TMX2: variants seen among roughly 807,000 people sequenced by gnomAD.
The protein encoded by TMX2 is thioredoxin-related transmembrane protein 2.
TMX2 carries 20 observed loss-of-function variants against 33.4 expected under a neutral mutation model. The ratio of observed to expected loss-of-function variants is 0.60; its 90% confidence interval spans 0.42 to 0.87. TMX2 has a LOEUF of 0.87. Ranked by LOEUF, TMX2 falls within the 40% of genes least tolerant of loss-of-function variation. The pLI is 0.00. For missense variants in TMX2, 340 were observed against 370.7 expected (o/e 0.92, Z 0.68); for synonymous variants, 166 against 140.7 (o/e 1.18, Z -1.27).
chr11:57,724,664 A>C (rs1186591516), intron 1 of TMX2, among the ~76,000 whole-genome samples: 1 of 152,152 alleles, frequency 6.6e-6, no homozygotes, highest in African/African-American at 2.4e-5. Context: ...ATACAGGTTA[A>C]TAGAACTGTA....
intron 1 of TMX2, among the ~76,000 whole-genome samples, chr11:57,735,101 G>C (rs1019739584): frequency 4.6e-5 from 7 of 151,998 alleles, no homozygotes; most frequent in Admixed American, 3.9e-4. Flanking sequence ...CTGCATTCCA[G>C]CCTGGACAAC....
At chr11:57,716,072 C>T (rs1295910569) in intron 1 of TMX2, among the ~76,000 whole-genome samples, 8 of 152,154 alleles carry the variant, frequency 5.3e-5, no homozygotes, top group South Asian at 4.1e-4. Flanking sequence ...ATTGTCATCC[C>T]GGCCCGTTCT....
intron 1 of TMX2, among the ~76,000 whole-genome samples, chr11:57,736,480 T>G (rs1948758056): frequency 6.6e-6 from 1 of 152,142 alleles, no homozygotes. Flanking sequence ...GTGAGAAAAC[T>G]GTAAGACGAG....
intron 1 of TMX2, among the ~76,000 whole-genome samples, chr11:57,719,910 T>A (rs1408897001): frequency 6.6e-6 from 1 of 152,154 alleles, no homozygotes; most frequent in Non-Finnish European, 1.5e-5. Context: ...TATTTCTACT[T>A]CTTCCTTTTG....
rs777900548 is a variant in TMX2 at position 57,740,115 on chromosome 11, A to C, written c.761A>C (p.Glu254Ala). 37 of 1,613,826 alleles carry C rather than the reference A, an allele frequency of 2.3e-5. No individual in the cohort carries two copies. The highest frequency in any genetic ancestry group is 3.1e-5 in the Non-Finnish European group (36 of 1,179,850). Residue 254 changes from glutamate (E) to alanine (A), a missense_variant, in exon 8 of 8, where the codon GAA becomes GCA. Coordinates refer to ENST00000278422, the MANE Select transcript of TMX2 (RefSeq NM_015959.4). The part of the protein sequence containing the change: ...WTFSEENVIR[E>A]FNLNELYQRA... ...TTTGTGCAGGAGAATGTGATCCGAG[A>C]ATTTAACTTAAATGAGCTATACCAG...
intron 1 of TMX2, among the ~76,000 whole-genome samples, chr11:57,718,967 T>C (rs191829527): frequency 4.2e-4 from 64 of 151,326 alleles, no homozygotes; most frequent in Middle Eastern, 3.4e-3. Flanking sequence ...AAAGGATTTT[T>C]AAAAAGAGCT....
At chr11:57,725,829 T>C (rs1354800410) in intron 1 of TMX2, among the ~76,000 whole-genome samples, 1 of 152,140 alleles carries the variant, frequency 6.6e-6, no homozygotes, top group Non-Finnish European at 1.5e-5. Flanking sequence ...ATTGGTTGCC[T>C]TCTAAACTAT....
At chr11:57,718,274 G>A in intron 1 of TMX2, 3 of 1,547,990 alleles carry the variant, frequency 1.9e-6, no homozygotes, top group Middle Eastern at 1.7e-4. Context: ...TTAGGATGAA[G>A]TTCTCATCAT....
At position 57,712,671 on chromosome 11, in the gene TMX2, C is replaced by A; in HGVS notation, c.53C>A (p.Ser18Ter). 1.2e-6 allele frequency: 2 copies of A among 1,614,208 alleles called. No individual in the cohort carries two copies. Among genetic ancestry groups the A allele is most frequent in the Non-Finnish European group, 1.7e-6 (2 of 1,180,034 alleles). ...CTCGTGTATTCGGTGCCGCGACTTT[C>A]ACGATGGCTCGCCCAACCTTACTAC... Reference protein sequence around the residue: ...IALVYSVPRLSRWLAQPYYLL... With the variant: ...IALVYSVPRL The change falls in exon 1 of 8, where the codon TCA becomes TAA. Residue 18 changes from serine to a stop codon, truncating the protein, a stop_gained. Transcript: ENST00000278422. LOFTEE classifies it high-confidence loss of function.
At chr11:57,735,028 G>C (rs539705115) in intron 1 of TMX2, among the ~76,000 whole-genome samples, 2 of 151,616 alleles carry the variant, frequency 1.3e-5, no homozygotes, top group African/African-American at 4.8e-5. Context: ...TACTCGGGAG[G>C]CTGAGGCAGG....
intron 1 of TMX2, among the ~76,000 whole-genome samples, chr11:57,736,186 G>A (rs1948741590): frequency 6.6e-6 from 1 of 152,104 alleles, no homozygotes; most frequent in Non-Finnish European, 1.5e-5. Context: ...ACTTCTCAGT[G>A]TCTTTGTCAT....
At chr11:57,718,516 C>G (rs996886416) in intron 1 of TMX2, 3 of 774,160 alleles carry the variant, frequency 3.9e-6, no homozygotes, top group Non-Finnish European at 6.8e-6. Flanking sequence ...TGTCAAAGAA[C>G]ACGGGGTTGA....
chr11:57,715,379 C>G (rs1429637413), intron 1 of TMX2, among the ~76,000 whole-genome samples: 1 of 151,602 alleles, frequency 6.6e-6, no homozygotes, highest in African/African-American at 2.4e-5. Context: ...CCAGCCTGGG[C>G]AACAAGAGCA....
intron 1 of TMX2, among the ~76,000 whole-genome samples, chr11:57,736,553 T>C (rs1948762579): frequency 6.6e-6 from 1 of 151,826 alleles, no homozygotes; most frequent in South Asian, 2.1e-4. Context: ...ATATCAAAAG[T>C]ACATGGATTA....
At chr11:57,716,977 C>G (rs566018698) in intron 1 of TMX2, among the ~76,000 whole-genome samples, 2 of 151,386 alleles carry the variant, frequency 1.3e-5, no homozygotes, top group Admixed American at 6.6e-5. Flanking sequence ...GGTCTCCTCA[C>G]TTCTCAGACG....
At chr11:57,730,975 C>A (rs1431949839) in intron 1 of TMX2, among the ~76,000 whole-genome samples, 2 of 92,712 alleles carry the variant, frequency 2.2e-5, no homozygotes, top group Non-Finnish European at 4.4e-5. Context: ...TTAAAAAATG[C>A]ACTAACACAA....
At chr11:57,731,751 A>C (rs183321389) in intron 1 of TMX2, among the ~76,000 whole-genome samples, 1 of 152,276 alleles carries the variant, frequency 6.6e-6, no homozygotes, top group Admixed American at 6.5e-5. Flanking sequence ...TAAGATGAGA[A>C]GGAAACCTCA....
chr11:57,717,926 G>T, intron 1 of TMX2: 7 of 664,352 alleles, frequency 1.1e-5, no homozygotes, highest in South Asian at 1.7e-5. Context: ...GGGAACTGCA[G>T]TGAGAGCACA....
Position 57,740,222 on chromosome 11 carries a change from G to A in TMX2, c.868G>A (p.Gly290Arg). 6.2e-7 allele frequency: 1 copy of A among 1,607,062 alleles called. No homozygotes were observed. Among genetic ancestry groups the A allele is most frequent in the Non-Finnish European group, 8.5e-7 (1 of 1,177,696 alleles). Reference protein sequence around the residue: ...VASTPTTVSDGENKKDK With the variant: ...VASTPTTVSDRENKKDK The stretch of plus-strand genomic sequence containing the variant: ...TTCAACCCCCACCACAGTGTCAGAT[G>A]GGGAAAACAAGAAGGATAAATAAGA... Residue 290 changes from glycine to arginine, a missense_variant, in exon 8 of 8, where the codon GGG (glycine) becomes AGG (arginine). Coordinates refer to ENST00000278422, the MANE Select transcript of TMX2 (RefSeq NM_015959.4).
Sources: gnomAD v4.1 joint callset for allele counts (sites outside exome capture counted in the v4.1 genomes callset) on GRCh38, gnomAD v4.1.1 for gene constraint, MANE v1.5 for transcripts, NCBI Gene and HGNC (gene_info 2026-07-23, HGNC 2026-07-21) for gene names.